TNFSF4: variants seen among roughly 807,000 people sequenced by gnomAD.
The protein encoded by TNFSF4 is tumor necrosis factor ligand superfamily member 4.
In TNFSF4, 4 loss-of-function variants were observed where a neutral mutation model predicts 7.3. The observed-to-expected ratio is 0.55, with a 90% CI of 0.27 to 1.25. The LOEUF is 1.25. TNFSF4 is among the 50% of genes most tolerant of loss of function. The pLI is 0.12. For missense variants in TNFSF4, 181 were observed against 208.8 expected (o/e 0.87, Z 0.82); for synonymous variants, 76 against 83.7 (o/e 0.91, Z 0.50).
At chr1:173,291,567 C>T in the TNFSF4 span, among the ~76,000 whole-genome samples, 1 of 152,028 alleles carries the variant, frequency 6.6e-6, no homozygotes, top group Non-Finnish European at 1.5e-5. Flanking sequence ...AAATTAATAA[C>T]CTAACATCAC....
the TNFSF4 span, among the ~76,000 whole-genome samples, chr1:173,368,583 T>A: frequency 6.6e-6 from 1 of 152,112 alleles, no homozygotes; most frequent in South Asian, 2.1e-4. Flanking sequence ...TCTCTAACCA[T>A]CCCTGACTCT....
the TNFSF4 span, among the ~76,000 whole-genome samples, chr1:173,391,310 G>GTCTCTC: frequency 0.13 from 17,525 of 131,976 alleles, 1,317 homozygotes; most frequent in Middle Eastern, 0.27. Context: ...CTTTCTTTCT[G>GTCTCTC]TCTCTCTCTC....
At chr1:173,220,477 A>C in the TNFSF4 span, among the ~76,000 whole-genome samples, 1 of 152,174 alleles carries the variant, frequency 6.6e-6, no homozygotes, top group Non-Finnish European at 1.5e-5. Flanking sequence ...ATAGACAATA[A>C]CTGTATGCAC....
At chr1:173,375,326 C>T in the TNFSF4 span, among the ~76,000 whole-genome samples, 3 of 152,156 alleles carry the variant, frequency 2.0e-5, no homozygotes, top group African/African-American at 7.2e-5. Context: ...GCTACAACTG[C>T]AAGGCCCCCT....
the TNFSF4 span, among the ~76,000 whole-genome samples, chr1:173,378,537 T>G: frequency 1.3e-5 from 2 of 152,178 alleles, no homozygotes; most frequent in East Asian, 3.8e-4. Context: ...GGCTCATTTT[T>G]TTCTGCACTA....
the TNFSF4 span, among the ~76,000 whole-genome samples, chr1:173,292,658 A>G: frequency 1.3e-5 from 2 of 151,984 alleles, no homozygotes; most frequent in Non-Finnish European, 2.9e-5. Context: ...TCAGGAAAAA[A>G]AAAAAGAAAT....
At chr1:173,335,518 A>G in the TNFSF4 span, among the ~76,000 whole-genome samples, 1 of 152,298 alleles carries the variant, frequency 6.6e-6, no homozygotes, top group African/African-American at 2.4e-5. Context: ...TACCATAATA[A>G]ACAGCAGAGT....
the TNFSF4 span, among the ~76,000 whole-genome samples, chr1:173,270,918 A>T: frequency 6.6e-6 from 1 of 152,132 alleles, no homozygotes; most frequent in Non-Finnish European, 1.5e-5. Context: ...TTGGAAATAT[A>T]TATGAGAGTA....
the TNFSF4 span, among the ~76,000 whole-genome samples, chr1:173,408,948 T>A: frequency 4.1e-3 from 624 of 152,258 alleles, 7 homozygotes; most frequent in African/African-American, 0.014. Flanking sequence ...CAAATTTTTT[T>A]AAAAAATAAT....
chr1:173,285,904 T>C, the TNFSF4 span, among the ~76,000 whole-genome samples: 4,317 of 152,254 alleles, frequency 0.028, 177 homozygotes, highest in African/African-American at 0.092. Flanking sequence ...GGTATGCCTA[T>C]AATTTCAACA....
chr1:173,256,581 G>A, the TNFSF4 span, among the ~76,000 whole-genome samples: 2 of 152,168 alleles, frequency 1.3e-5, no homozygotes, highest in African/African-American at 2.4e-5. Flanking sequence ...CCATAACAAT[G>A]GTAGAAGAGA....
chr1:173,359,113 T>G, the TNFSF4 span, among the ~76,000 whole-genome samples: 1 of 152,228 alleles, frequency 6.6e-6, no homozygotes, highest in Non-Finnish European at 1.5e-5. Flanking sequence ...CGTTTAACTT[T>G]ATCTTGTGCA....
chr1:173,320,926 C>G, the TNFSF4 span, among the ~76,000 whole-genome samples: 11 of 152,298 alleles, frequency 7.2e-5, no homozygotes, highest in South Asian at 2.3e-3. Context: ...AGATTCATTG[C>G]TATTCCCAAT....
At chr1:173,368,285 G>A in the TNFSF4 span, among the ~76,000 whole-genome samples, 1 of 151,940 alleles carries the variant, frequency 6.6e-6, no homozygotes, top group African/African-American at 2.4e-5. Flanking sequence ...CACTCTTTGG[G>A]TCCATACCAT....
chr1:173,364,494 A>G, the TNFSF4 span, among the ~76,000 whole-genome samples: 1 of 151,588 alleles, frequency 6.6e-6, no homozygotes, highest in African/African-American at 2.4e-5. Flanking sequence ...AATAATAAGC[A>G]ATGGTTTCCT....
At chr1:173,355,358 G>T in the TNFSF4 span, among the ~76,000 whole-genome samples, 7 of 152,188 alleles carry the variant, frequency 4.6e-5, no homozygotes, top group African/African-American at 1.4e-4. Context: ...GGACATCTTT[G>T]CGGGGTCGGG....
the TNFSF4 span, among the ~76,000 whole-genome samples, chr1:173,336,506 C>T: frequency 1.3e-5 from 2 of 152,128 alleles, no homozygotes; most frequent in African/African-American, 4.8e-5. Context: ...TATCTAGGAA[C>T]ACCAGAAGTA....
At chr1:173,429,108 G>A in the TNFSF4 span, among the ~76,000 whole-genome samples, 1 of 152,012 alleles carries the variant, frequency 6.6e-6, no homozygotes, top group African/African-American at 2.4e-5. Flanking sequence ...GCCACATGCT[G>A]CTAATTGTTA....
the TNFSF4 span, among the ~76,000 whole-genome samples, chr1:173,245,720 T>G: frequency 2.0e-5 from 3 of 152,190 alleles, no homozygotes; most frequent in Non-Finnish European, 4.4e-5. Context: ...TTTTACCTGT[T>G]GACCAAAATC....
Sources: gnomAD v4.1 joint callset for allele counts (sites outside exome capture counted in the v4.1 genomes callset) on GRCh38, gnomAD v4.1.1 for gene constraint, MANE v1.5 for transcripts, NCBI Gene and HGNC (gene_info 2026-07-23, HGNC 2026-07-21) for gene names.